The following LATS1 variants were observed in gnomAD, a reference collection of about 807,000 sequenced individuals.
The protein encoded by LATS1 is large tumor suppressor kinase 1.
LATS1 carries 25 observed loss-of-function variants against 106.6 expected under a neutral mutation model. The ratio of observed to expected loss-of-function variants is 0.23; its 90% CI spans 0.17 to 0.33. The LOEUF is 0.33. Among genes scored for constraint, LATS1 ranks in the 10% least tolerant of loss-of-function variants. LATS1 has a pLI of 1.00. For synonymous variants in LATS1, 465 were observed against 455.6 expected, an observed-to-expected ratio of 1.02 and a Z score of -0.26; for missense variants, 1,040 against 1,382.6, an observed-to-expected ratio of 0.75 and a Z score of 3.93.
intron 2 of LATS1, among the ~76,000 whole-genome samples, chr6:149,701,549 C>A (rs1219493024): frequency 6.6e-6 from 1 of 151,986 alleles, no homozygotes; most frequent in Admixed American, 6.6e-5. Flanking sequence ...CTTTTAAATT[C>A]CAGAAACTCC....
At chr6:149,668,428 ATTC>A (rs753833986) in intron 7 of LATS1, among the ~76,000 whole-genome samples, 1 of 145,878 alleles carries the variant, frequency 6.9e-6, no homozygotes, top group Non-Finnish European at 1.5e-5. Flanking sequence ...ATAAATGACT[ATTC>A]TTCTCATCTT....
rs777307051 is a variant in LATS1, at chr6:149,676,645, G to A, written c.2686C>T (p.Arg896Trp). 17 of 1,613,890 alleles carry A rather than the reference G, an allele frequency of 1.1e-5. No individual in the cohort carries two copies. The highest frequency in any genetic ancestry group is 1.7e-5 in the Admixed American group (1 of 59,988). Residue 896 changes from arginine to tryptophan, a missense_variant, in exon 6 of 8, where the codon CGG becomes TGG. Arg to Trp is a moderately radical substitution (Grantham distance 101, BLOSUM62 -3). Transcript: ENST00000543571. ...RCGDRLKPLE[R>W]RAARQHQRCL... is the part of the protein sequence containing the mutation. Reference sequence around the variant, plus strand: ...CGCTGGTGCTGGCGTGCAGCTCTCCGCTCTAATGGCTTCAGTCTGTCTCCA... The same window carrying A: ...CGCTGGTGCTGGCGTGCAGCTCTCCACTCTAATGGCTTCAGTCTGTCTCCA...
In LATS1 at chr6:149,669,681, C is replaced by G. The variant is rs541367324; in HGVS notation, c.2883+6579G>C. On this transcript the variant is annotated intron_variant, in intron 7 of 7. Coordinates refer to ENST00000543571, the MANE Select transcript of LATS1 (RefSeq NM_004690.4). ...GAGGATGACACGGGAGAATCTTGAA[C>G]CCGGGAGGCAGAGGTTGCAGTGAGC... 1.6e-4 allele frequency among the ~76,000 whole-genome samples: 25 copies of G among 151,880 alleles called. No individual in the cohort carries two copies. The South Asian group carries it at 3.3e-3, about 20-fold the overall frequency.
chr6:149,667,667 T>G (rs891684406), intron 7 of LATS1, among the ~76,000 whole-genome samples: 1 of 152,028 alleles, frequency 6.6e-6, no homozygotes, highest in African/African-American at 2.4e-5. Flanking sequence ...ACACCCCAAA[T>G]TTGATCAAAC....
intron 7 of LATS1, among the ~76,000 whole-genome samples, chr6:149,666,943 C>CAA (rs113430262): frequency 1.0e-4 from 6 of 60,226 alleles, no homozygotes; most frequent in Admixed American, 1.9e-4. Flanking sequence ...GACTCTGTCT[C>CAA]AAAAAAAAAA....
intron 1 of LATS1, among the ~76,000 whole-genome samples, chr6:149,709,169 T>C (rs953060959): frequency 6.6e-6 from 1 of 152,176 alleles, no homozygotes; most frequent in East Asian, 1.9e-4. Flanking sequence ...GTTCCAGCCA[T>C]GATGGGAAGC....
At chr6:149,671,687 A>C (rs1312210420) in intron 7 of LATS1, among the ~76,000 whole-genome samples, 1 of 151,942 alleles carries the variant, frequency 6.6e-6, no homozygotes, top group African/African-American at 2.4e-5. Flanking sequence ...CTTGTTAAAA[A>C]TCGATTTTGC....
At chr6:149,686,495 G>A (rs779048143) in intron 3 of LATS1, among the ~76,000 whole-genome samples, 9 of 152,120 alleles carry the variant, frequency 5.9e-5, no homozygotes, top group African/African-American at 1.9e-4. Context: ...GGATCCACTC[G>A]GCTCCACAGC....
chr6:149,671,046 G>A (rs1429282816), intron 7 of LATS1, among the ~76,000 whole-genome samples: 1 of 151,864 alleles, frequency 6.6e-6, no homozygotes, highest in Non-Finnish European at 1.5e-5. Context: ...ATAGCTTTAA[G>A]CTTTATCTAT....
At chr6:149,693,831 T>G (rs930629447) in intron 3 of LATS1, among the ~76,000 whole-genome samples, 1 of 152,208 alleles carries the variant, frequency 6.6e-6, no homozygotes, top group African/African-American at 2.4e-5. Context: ...GGCTCACGCC[T>G]GTAATCCCAG....
chr6:149,701,285 A>T (rs1273448685), intron 2 of LATS1, among the ~76,000 whole-genome samples: 2 of 152,254 alleles, frequency 1.3e-5, no homozygotes, highest in Non-Finnish European at 2.9e-5. Context: ...AAGACTTGGC[A>T]GTTAGCCTGA....
At chr6:149,705,879 T>C (rs986592121) in intron 1 of LATS1, among the ~76,000 whole-genome samples, 1 of 152,078 alleles carries the variant, frequency 6.6e-6, no homozygotes, top group African/African-American at 2.4e-5. Context: ...GGCTGAATAA[T>C]GGCCTCTCAA....
chr6:149,669,026 T>C (rs527535295), intron 7 of LATS1, among the ~76,000 whole-genome samples: 1 of 152,060 alleles, frequency 6.6e-6, no homozygotes, highest in East Asian at 1.9e-4. Flanking sequence ...TCTTACTATG[T>C]TGCCCAAGCC....
intron 7 of LATS1, among the ~76,000 whole-genome samples, chr6:149,665,690 G>A (rs1395526196): frequency 6.6e-6 from 1 of 152,090 alleles, no homozygotes; most frequent in African/African-American, 2.4e-5. Context: ...TTTGAGAACT[G>A]AACTAAGGAA....
chr6:149,666,721 T>A (rs1170806267), intron 7 of LATS1, among the ~76,000 whole-genome samples: 2 of 151,186 alleles, frequency 1.3e-5, no homozygotes. Flanking sequence ...GGTGGGCAGA[T>A]CACGAGGTCA....
chr6:149,659,388 A>G lies in LATS1; in HGVS notation c.*2341T>C, dbSNP rs1182325668. On this transcript the variant is annotated 3_prime_UTR_variant, in exon 8 of 8. Coordinates refer to ENST00000543571, the MANE Select transcript of LATS1 (RefSeq NM_004690.4). Reference sequence around the variant, plus strand: ...GGCGGGAGGACTGCGTGAGCCCCCAAGGTTGAGGATGCAGTGAGCTGTGAA... The same window carrying G: ...GGCGGGAGGACTGCGTGAGCCCCCAGGGTTGAGGATGCAGTGAGCTGTGAA... 1 of 205,718 alleles carries G rather than the reference A, an allele frequency of 4.9e-6. No individual in the cohort carries two copies. Among genetic ancestry groups the G allele is most frequent in the African/African-American group, 2.3e-5 (1 of 43,968 alleles). The allele number at this position is 205,718 out of a possible 1,614,324, so 12.7% of individuals were successfully genotyped here.
At chr6:149,697,213 T>A (rs1484103597) in intron 2 of LATS1, 2 of 1,058,942 alleles carry the variant, frequency 1.9e-6, no homozygotes, top group African/African-American at 1.6e-5. Context: ...GAGAAGAATG[T>A]GAGACCAACC....
chr6:149,685,004 G>T (rs532206313), intron 3 of LATS1, among the ~76,000 whole-genome samples: 1 of 152,294 alleles, frequency 6.6e-6, no homozygotes, highest in African/African-American at 2.4e-5. Context: ...GGGAGGCTGA[G>T]GTAGGCAGAT....
chr6:149,671,413 C>T (rs1288996691), intron 7 of LATS1, among the ~76,000 whole-genome samples: 1 of 152,010 alleles, frequency 6.6e-6, no homozygotes, highest in Non-Finnish European at 1.5e-5. Context: ...GGATTACAGG[C>T]GTGAGCCACC....
Sources: allele counts gnomAD v4.1 joint callset (sites outside exome capture counted in the v4.1 genomes callset), GRCh38; gene constraint gnomAD v4.1.1; transcripts MANE v1.5; gene names NCBI Gene and HGNC (gene_info 2026-07-23, HGNC 2026-07-21).